The following SNRPA1 variants were observed in gnomAD, a reference collection of about 807,000 sequenced individuals.
SNRPA1 encodes U2 small nuclear ribonucleoprotein A'.
A neutral mutation model predicts 32.3 loss-of-function variants in SNRPA1; 5 were observed. The ratio of observed to expected loss-of-function variants is 0.15; its 90% CI spans 0.08 to 0.33. The LOEUF (loss-of-function observed/expected upper bound fraction) is 0.33. Ranked by LOEUF, SNRPA1 falls within the 10% of genes least tolerant of loss-of-function variation. The pLI, the probability that SNRPA1 is intolerant of heterozygous loss-of-function variation, is 1.00. For synonymous variants in SNRPA1, 111 were observed against 120.1 expected (o/e 0.92, Z 0.50); for missense variants, 198 against 311.1 (o/e 0.64, Z 2.74).
chr15:101,292,181 G>A, intron 2 of SNRPA1, 141 bp from the exon 3 acceptor site: 1 of 626,358 alleles, frequency 1.6e-6, no homozygotes, highest in Non-Finnish European at 2.8e-6. Flanking sequence ...AAAGCAAAAA[G>A]AACCCTTTTC....
At chr15:101,284,433 C>A (rs2039432015) in intron 8 of SNRPA1, among the ~76,000 whole-genome samples, 1 of 151,928 alleles carries the variant, frequency 6.6e-6, no homozygotes, top group African/African-American at 2.4e-5. Context: ...CACTCCATGG[C>A]TGAAGTAATT....
At chr15:101,283,939 TC>T (rs1276516853) in intron 8 of SNRPA1, among the ~76,000 whole-genome samples, 17 of 152,214 alleles carry the variant, frequency 1.1e-4, no homozygotes. Context: ...AAACTCCGAC[TC>T]AAAAAGGAAA....
chr15:101,294,439 T>G (rs2039563838), intron 1 of SNRPA1, among the ~76,000 whole-genome samples: 1 of 152,192 alleles, frequency 6.6e-6, no homozygotes, highest in Non-Finnish European at 1.5e-5. Context: ...CTAGCTGCCC[T>G]CCCAGTATCT....
intron 5 of SNRPA1, chr15:101,286,621 G>A (rs1292388601): frequency 3.7e-5 from 17 of 455,388 alleles, no homozygotes; most frequent in South Asian, 2.2e-4. Context: ...TAAGTTCTCC[G>A]CTGGGAACGT....
chr15:101,286,581 C>A, intron 5 of SNRPA1: 1 of 476,078 alleles, frequency 2.1e-6, no homozygotes, highest in Non-Finnish European at 3.7e-6. Flanking sequence ...ATCATCCTAA[C>A]ACACGGAGCT....
At position 101,283,102 on chromosome 15, in the gene SNRPA1, C is replaced by T. The variant is rs144702178; in HGVS notation, c.710-1320G>A. ...CACTCTTAAGTGAAACTGGTATGCACGCTACTGGGAGTGCAGAGCAGGGAA... is the reference window on the plus strand; with the variant it reads ...CACTCTTAAGTGAAACTGGTATGCATGCTACTGGGAGTGCAGAGCAGGGAA... On this transcript the variant is annotated intron_variant, in intron 8 of 8. Transcript: ENST00000254193. 1.3e-4 allele frequency among the ~76,000 whole-genome samples: 20 copies of T among 152,274 alleles called. No individual in the cohort carries two copies. In the East Asian group the frequency reaches 3.3e-3, roughly 25 times the overall value.
chr15:101,286,875 A>G (rs201104288), intron 5 of SNRPA1, 33 bp downstream of exon 5: 7 of 1,119,432 alleles, frequency 6.3e-6, no homozygotes, highest in East Asian at 2.4e-5. Context: ...ACACAACTCT[A>G]TAATGGCTCA....
At chr15:101,294,958 C>G (rs557087853) in intron 1 of SNRPA1, 139 bp downstream of exon 1, 16 of 516,116 alleles carry the variant, frequency 3.1e-5, no homozygotes, top group Admixed American at 1.7e-4. Flanking sequence ...TCAGGCCCGG[C>G]GTTCCCTGCG....
chr15:101,281,841 A>G (rs1407346860), intron 8 of SNRPA1, 59 bp from the exon 9 acceptor site: 5 of 1,516,378 alleles, frequency 3.3e-6, no homozygotes, highest in Non-Finnish European at 4.6e-6. Flanking sequence ...TTCCCTTAGC[A>G]TGCAAGTGTT....
At chr15:101,283,410 CA>C (rs1330953679) in intron 8 of SNRPA1, among the ~76,000 whole-genome samples, 1 of 149,344 alleles carries the variant, frequency 6.7e-6, no homozygotes, top group Non-Finnish European at 1.5e-5. Flanking sequence ...AAAAAAAATA[CA>C]AAAAGTTAGC....
chr15:101,291,986 G>C lies in SNRPA1; in HGVS notation c.285C>G (p.Leu95=). ...QALPCLTELI[L]TNNSLVELGD... is the part of the protein sequence containing the mutation. The stretch of plus-strand genomic sequence containing the variant: ...CCAGTTCCACGAGACTATTATTGGT[G>C]AGAATGAGTTCTGTCAGACAGGGCA... The change falls in exon 3 of 9, where the codon CTC becomes CTG. Residue 95 remains leucine, a synonymous_variant. Coordinates refer to ENST00000254193, the MANE Select transcript of SNRPA1 (RefSeq NM_003090.4). 1 of 1,612,432 alleles carries C rather than the reference G, an allele frequency of 6.2e-7. No homozygotes were observed. Among genetic ancestry groups the C allele is most frequent in the Non-Finnish European group, 8.5e-7 (1 of 1,178,744 alleles).
At chr15:101,287,989 A>T (rs2039474440) in intron 3 of SNRPA1, 2 of 378,414 alleles carry the variant, frequency 5.3e-6, no homozygotes, top group Admixed American at 7.7e-5. Context: ...ATGATTTGGA[A>T]AAGAAAACAA....
intron 3 of SNRPA1, among the ~76,000 whole-genome samples, chr15:101,290,986 C>T (rs1244618328): frequency 1.3e-5 from 2 of 152,106 alleles, no homozygotes; most frequent in East Asian, 1.9e-4. Context: ...GTGATCCACC[C>T]GCCTCGGCCT....
At chr15:101,285,622 TG>T in intron 7 of SNRPA1, 103 bp downstream of exon 7, 1 of 779,244 alleles carries the variant, frequency 1.3e-6, no homozygotes, top group Non-Finnish European at 2.2e-6. Context: ...CTAATAACTG[TG>T]GGAAAATGAA....
chr15:101,287,625 T>C (rs1328499048), intron 4 of SNRPA1, 31 bp downstream of exon 4: 1 of 1,589,528 alleles, frequency 6.3e-7, no homozygotes, highest in Admixed American at 1.7e-5. Context: ...TTTAAAGGGC[T>C]TCATTTTGTC....
At position 101,286,679 on chromosome 15, in the gene SNRPA1, A is replaced by G. The variant is rs1296906661; in HGVS notation, c.459+229T>C. ...TAAGACTGCTCACCGTGGCCTCAGC[A>G]CTTTGCGAACTTCGGAATAGCCAGC... On this transcript the variant is annotated intron_variant, in intron 5 of 8. Transcript: ENST00000254193. The G allele has an allele frequency of 1.8e-5, 9 of 496,230 alleles. No individual in the cohort carries two copies. In the South Asian group the frequency reaches 2.0e-4, roughly 11 times the overall value. 30.7% of individuals were successfully genotyped at this position (496,230 alleles called of 1,614,324 possible). A position where few individuals can be genotyped will look rare whatever the true frequency, so the allele number is the denominator to read the frequency against.
intron 2 of SNRPA1, 35 bp downstream of exon 2, chr15:101,292,990 A>G: frequency 6.6e-7 from 1 of 1,510,600 alleles, no homozygotes; most frequent in Admixed American, 1.9e-5. Flanking sequence ...CATTTACTCT[A>G]GGGGAAAAAA....
chr15:101,288,310 G>C (rs947944314), intron 3 of SNRPA1: 4 of 147,080 alleles, frequency 2.7e-5, no homozygotes, highest in African/African-American at 1.0e-4. Flanking sequence ...ACAGTGGCGT[G>C]ATCTTGGCTC....
At position 101,294,026 on chromosome 15, in the gene SNRPA1, G is replaced by C. The variant is rs181646963; in HGVS notation, c.83-854C>G. Among the ~76,000 whole-genome samples the C allele has an allele frequency of 5.7e-3, 865 of 152,318 alleles. 10 individuals carry two copies. The highest frequency in any genetic ancestry group is 0.02 in the African/African-American group (837 of 41,562). ...AGGCGGGCGGATCACCTGAGGTCGG[G>C]AGTTCGAGACCAGCCTGACCAACAT... is the stretch of plus-strand genomic sequence containing the variant. On this transcript the variant is annotated intron_variant, in intron 1 of 8. Transcript: ENST00000254193.
Sources: allele counts gnomAD v4.1 joint callset (sites outside exome capture counted in the v4.1 genomes callset), GRCh38; gene constraint gnomAD v4.1.1; transcripts MANE v1.5; gene names NCBI Gene and HGNC (gene_info 2026-07-23, HGNC 2026-07-21).